KCNIP1: variants seen among roughly 807,000 people sequenced by gnomAD.
KCNIP1 encodes potassium voltage-gated channel interacting protein 1, also known as A-type potassium channel modulatory protein KCNIP1.
A neutral mutation model predicts 33.0 loss-of-function variants in KCNIP1; 18 were observed. The observed-to-expected ratio is 0.55, with a 90% CI of 0.38 to 0.81. The LOEUF (loss-of-function observed/expected upper bound fraction) is 0.81. Among genes scored for constraint, KCNIP1 ranks in the 30% least tolerant of loss-of-function variants. The pLI is 0.00. For missense variants in KCNIP1, 238 were observed against 271.6 expected (o/e 0.88, Z 0.87); for synonymous variants, 93 against 98.3 (o/e 0.95, Z 0.32).
intron 1 of KCNIP1, among the ~76,000 whole-genome samples, chr5:170,623,732 C>T (rs934292007): frequency 1.3e-5 from 2 of 152,162 alleles, no homozygotes; most frequent in African/African-American, 4.8e-5. Context: ...TGCAAAATGG[C>T]GTGACGGCGC....
intron 1 of KCNIP1, among the ~76,000 whole-genome samples, chr5:170,440,375 G>A (rs1196342214): frequency 1.3e-5 from 2 of 152,184 alleles, no homozygotes; most frequent in African/African-American, 4.8e-5. Flanking sequence ...ACACAGCGGG[G>A]GTCCCAGATC....
At chr5:170,719,966 A>G (rs1763762676) in intron 2 of KCNIP1, among the ~76,000 whole-genome samples, 1 of 152,220 alleles carries the variant, frequency 6.6e-6, no homozygotes, top group Non-Finnish European at 1.5e-5. Context: ...TAGGTTCATA[A>G]GATACCCTTG....
intron 1 of KCNIP1, among the ~76,000 whole-genome samples, chr5:170,400,671 G>A (rs779641685): frequency 6.6e-6 from 1 of 152,180 alleles, no homozygotes; most frequent in Non-Finnish European, 1.5e-5. Context: ...CTTTGAAGTG[G>A]TTACTGTGGT....
At chr5:170,519,331 T>G (rs1055931055) in intron 1 of KCNIP1, among the ~76,000 whole-genome samples, 1 of 152,148 alleles carries the variant, frequency 6.6e-6, no homozygotes, top group African/African-American at 2.4e-5. Context: ...GAATGAGTCA[T>G]GTGGTGCCAG....
intron 1 of KCNIP1, among the ~76,000 whole-genome samples, chr5:170,419,702 T>C (rs972424671): frequency 6.6e-6 from 1 of 152,232 alleles, no homozygotes; most frequent in Non-Finnish European, 1.5e-5. Flanking sequence ...TTGCTTTAAC[T>C]GACAAAATTC....
chr5:170,652,690 GT>G, intron 1 of KCNIP1, among the ~76,000 whole-genome samples: 1 of 152,308 alleles, frequency 6.6e-6, no homozygotes, highest in Middle Eastern at 3.4e-3. Flanking sequence ...CCCAAGTGAT[GT>G]TCCATGTCAG....
chr5:170,365,231 G>T (rs112496606), intron 1 of KCNIP1, among the ~76,000 whole-genome samples: 2 of 152,142 alleles, frequency 1.3e-5, no homozygotes, highest in Non-Finnish European at 2.9e-5. Flanking sequence ...CAAGCCAGAC[G>T]CAGAGCTGGC....
chr5:170,379,039 T>A, intron 1 of KCNIP1: 2 of 1,555,372 alleles, frequency 1.3e-6, no homozygotes, highest in East Asian at 4.5e-5. Flanking sequence ...GGGCTTGATA[T>A]GGAGTAAAGA....
intron 1 of KCNIP1, among the ~76,000 whole-genome samples, chr5:170,580,360 CA>C (rs2113515486): frequency 6.6e-6 from 1 of 152,298 alleles, no homozygotes; most frequent in Admixed American, 6.5e-5. Context: ...GTACCCTGTA[CA>C]TGTCTTAGCC....
At chr5:170,386,688 T>G (rs1198370848) in intron 1 of KCNIP1, among the ~76,000 whole-genome samples, 2 of 149,348 alleles carry the variant, frequency 1.3e-5, no homozygotes, top group Admixed American at 1.3e-4. Flanking sequence ...ATTCCGGTGT[T>G]TTTTTTTTTT....
chr5:170,621,425 G>A (rs1174090478), intron 1 of KCNIP1, among the ~76,000 whole-genome samples: 3 of 152,220 alleles, frequency 2.0e-5, no homozygotes, highest in Non-Finnish European at 2.9e-5. Context: ...CCCACAGAGT[G>A]TGGTGTGGGG....
chr5:170,375,192 A>G (rs1241204622), intron 1 of KCNIP1: 1 of 152,184 alleles, frequency 6.6e-6, no homozygotes, highest in Non-Finnish European at 1.5e-5. Flanking sequence ...TGCCCCCTCT[A>G]CCTAATGTCC....
At chr5:170,470,084 G>A (rs1756690002) in intron 1 of KCNIP1, among the ~76,000 whole-genome samples, 1 of 152,086 alleles carries the variant, frequency 6.6e-6, no homozygotes, top group Non-Finnish European at 1.5e-5. Context: ...CTGAGCTGTC[G>A]CCCCATTCCT....
Position 170,670,536 on chromosome 5 carries a change from T to G in KCNIP1, c.62-48222T>G, listed in dbSNP as rs766029286. Among the ~76,000 whole-genome samples, 4 of 152,252 alleles carry G rather than the reference T, an allele frequency of 2.6e-5. No homozygotes were observed. In the East Asian group the frequency reaches 7.8e-4, roughly 30 times the overall value. On this transcript the variant is annotated intron_variant, in intron 1 of 7. Transcript: ENST00000328939. ...GCTCTAAAGCAGAGCCCCTTGACCC[T>G]GCACCAATTTGGTTAACCCGAGTAA...
At chr5:170,627,155 C>T (rs1464751972) in intron 1 of KCNIP1, among the ~76,000 whole-genome samples, 1 of 152,214 alleles carries the variant, frequency 6.6e-6, no homozygotes, top group Admixed American at 6.5e-5. Context: ...GAGCACTCTG[C>T]TTTTGGGAAC....
At position 170,733,875 on chromosome 5, in the gene KCNIP1, G is replaced by T; in HGVS notation, c.580G>T (p.Glu194Ter). Residue 194 changes from glutamate to a stop codon, truncating the protein, a stop_gained, in exon 7 of 8, where the codon GAA (glutamate) becomes TAA (stop). Transcript: ENST00000328939. LOFTEE classifies it high-confidence loss of function. Reference sequence around the variant, plus strand: ...TAAAGATGGCATCGTAACTTTAGATGAATTTCTTGAATCATGTCAGGAGGT... The same window carrying T: ...TAAAGATGGCATCGTAACTTTAGATTAATTTCTTGAATCATGTCAGGAGGT... ...KNKDGIVTLD[E>*]FLESCQEDDN... 1 of 1,613,764 alleles carries T rather than the reference G, an allele frequency of 6.2e-7. No homozygotes were observed. The highest frequency in any genetic ancestry group is 8.5e-7 in the Non-Finnish European group (1 of 1,179,716).
At chr5:170,441,893 A>C (rs1755999360) in intron 1 of KCNIP1, among the ~76,000 whole-genome samples, 1 of 143,186 alleles carries the variant, frequency 7.0e-6, no homozygotes, top group African/African-American at 2.6e-5. Flanking sequence ...CCGAGCTTGC[A>C]GTGAGCCAAG....
rs148074446 is a variant in KCNIP1, at chr5:170,586,059, C to T, written c.61+81426C>T. Among the ~76,000 whole-genome samples, 18 of 152,334 alleles carry T rather than the reference C, an allele frequency of 1.2e-4. No homozygotes were observed. In the East Asian group the frequency reaches 3.5e-3, roughly 29 times the overall value. Reference sequence around the variant, plus strand: ...ACTGCTGGGCAGGCCGGGCAACATGCCTGAATCTCAGTGCCCCCATCTGTA... The same window carrying T: ...ACTGCTGGGCAGGCCGGGCAACATGTCTGAATCTCAGTGCCCCCATCTGTA... On this transcript the variant is annotated intron_variant, in intron 1 of 7. Transcript: ENST00000328939.
intron 1 of KCNIP1, among the ~76,000 whole-genome samples, chr5:170,578,448 G>A (rs115676662): frequency 0.016 from 2,482 of 152,262 alleles, 29 homozygotes; most frequent in Non-Finnish European, 0.025. Flanking sequence ...GACTGACCTC[G>A]AGAACAGGCC....
Sources: gnomAD v4.1 joint callset for allele counts (sites outside exome capture counted in the v4.1 genomes callset) on GRCh38, gnomAD v4.1.1 for gene constraint, MANE v1.5 for transcripts, NCBI Gene and HGNC (gene_info 2026-07-23, HGNC 2026-07-21) for gene names.